NFILZ: variants seen among roughly 807,000 people sequenced by gnomAD.
The protein encoded by NFILZ is NFIL3 like basic leucine zipper.
At chr19:8,660,110 A>G (rs1658514806) in intron 3 of NFILZ, among the ~76,000 whole-genome samples, 1 of 152,178 alleles carries the variant, frequency 6.6e-6, no homozygotes, top group Non-Finnish European at 1.5e-5. Flanking sequence ...AGTTCAGGCC[A>G]CATCTCAGGC....
intron 3 of NFILZ, among the ~76,000 whole-genome samples, chr19:8,663,493 G>A (rs1443478001): frequency 2.7e-5 from 4 of 146,004 alleles, no homozygotes; most frequent in Non-Finnish European, 6.0e-5. Context: ...TGGAGGGGAC[G>A]CTGGTGGTGG....
chr19:8,647,795 G>GCGCGCACA (rs1189605746), intron 3 of NFILZ, among the ~76,000 whole-genome samples: 5 of 76,332 alleles, frequency 6.6e-5, no homozygotes, highest in East Asian at 4.5e-4. Context: ...GCGCGCGCGC[G>GCGCGCACA]CACACACACA....
chr19:8,637,165 T>C (rs1216232657), intron 3 of NFILZ, among the ~76,000 whole-genome samples: 1 of 151,692 alleles, frequency 6.6e-6, no homozygotes, highest in Non-Finnish European at 1.5e-5. Flanking sequence ...AGCCCAGGAG[T>C]TCGAGGCTGC....
chr19:8,644,385 G>A (rs543658966), intron 3 of NFILZ, among the ~76,000 whole-genome samples: 1 of 152,246 alleles, frequency 6.6e-6, no homozygotes, highest in East Asian at 1.9e-4. Flanking sequence ...ACAGGCATGA[G>A]CCACCGTAGC....
chr19:8,643,429 C>T (rs1192016732), intron 3 of NFILZ, among the ~76,000 whole-genome samples: 5 of 152,142 alleles, frequency 3.3e-5, no homozygotes, highest in African/African-American at 9.7e-5. Flanking sequence ...ATAAGACACC[C>T]AGATATCTGG....
At chr19:8,676,223 G>A (rs868995611) in intron 4 of NFILZ, among the ~76,000 whole-genome samples, 136 bp from the exon 5 acceptor site, 8 of 152,176 alleles carry the variant, frequency 5.3e-5, no homozygotes, top group African/African-American at 1.7e-4. Flanking sequence ...GGATGGAAGG[G>A]CAGGTAAAAA....
At position 8,677,825 on chromosome 19, in the gene NFILZ, G is replaced by A. The variant is rs550675728; in HGVS notation, c.*190G>A. On this transcript the variant is annotated 3_prime_UTR_variant, in exon 6 of 6. Transcript: ENST00000691075. ...CCTCCTAGGGGTGGAGTGGATGGGA[G>A]CCCATCTTGGATTCTACCATGGCTC... is the stretch of plus-strand genomic sequence containing the variant. 1.1e-4 allele frequency among the ~76,000 whole-genome samples: 16 copies of A among 152,134 alleles called. No individual in the cohort carries two copies. The highest frequency in any genetic ancestry group is 3.6e-4 in the African/African-American group (15 of 41,490).
At chr19:8,663,735 T>TGC (rs2043044194) in intron 3 of NFILZ, among the ~76,000 whole-genome samples, 16 of 113,540 alleles carry the variant, frequency 1.4e-4, no homozygotes, top group South Asian at 7.6e-4. Flanking sequence ...TGTGTGTGTG[T>TGC]GTGTGTGTGT....
At chr19:8,652,995 C>CTTTCTTTCTTTCTTTCTTT (rs1600145512) in intron 3 of NFILZ, among the ~76,000 whole-genome samples, 1 of 42,520 alleles carries the variant, frequency 2.4e-5, no homozygotes, top group Admixed American at 2.7e-4. Context: ...TTCCTTCCTT[C>CTTTCTTTCTTTCTTTCTTT]CTTCCTTCCT....
At position 8,656,284 on chromosome 19, in the gene NFILZ, C is replaced by CCCTGCAG. The variant is rs1420223130; in HGVS notation, c.-163-18265_-163-18264insTGCAGCC. Reference sequence around the variant, plus strand: ...ATCTTCTCTCTGAAGCCCACCTTCTCCCCACAGCCCACCTCCTCCCGCAGC... The same window carrying CCCTGCAG: ...ATCTTCTCTCTGAAGCCCACCTTCTCCCTGCAGCCCACAGCCCACCTCCTCCCGCAGC... On this transcript the variant is annotated intron_variant, in intron 3 of 5. Transcript: ENST00000691075. Among the ~76,000 whole-genome samples the CCCTGCAG allele has an allele frequency of 1.1e-3, 57 of 50,922 alleles. 5 individuals are homozygous for CCCTGCAG. The highest frequency in any genetic ancestry group is 4.4e-3 in the Admixed American group (19 of 4,322). The allele number at this position is 50,922 out of a possible 152,430, so 33.4% of individuals were successfully genotyped here. A position where few individuals can be genotyped will look rare whatever the true frequency, so the allele number is the denominator to read the frequency against.
At chr19:8,659,372 G>A (rs1226783223) in intron 3 of NFILZ, among the ~76,000 whole-genome samples, 2 of 152,156 alleles carry the variant, frequency 1.3e-5, no homozygotes, top group African/African-American at 4.8e-5. Flanking sequence ...TGGTAGGTCG[G>A]AGAGGGCTTC....
intron 3 of NFILZ, among the ~76,000 whole-genome samples, chr19:8,653,168 G>A (rs1030984767): frequency 5.3e-5 from 8 of 149,996 alleles, no homozygotes; most frequent in Non-Finnish European, 7.4e-5. Context: ...TGCAACCTTC[G>A]CCTCCCAATT....
intron 3 of NFILZ, among the ~76,000 whole-genome samples, chr19:8,664,664 A>T (rs2043053747): frequency 6.6e-6 from 1 of 152,044 alleles, no homozygotes; most frequent in East Asian, 1.9e-4. Context: ...AACCCCGTGG[A>T]AATGTGGCCC....
At chr19:8,633,883 C>G (rs1389271185) in intron 2 of NFILZ, among the ~76,000 whole-genome samples, 4 of 69,324 alleles carry the variant, frequency 5.8e-5, no homozygotes, top group Non-Finnish European at 9.0e-5. Context: ...TTCTCCCTTC[C>G]TTCCTTCCTT....
At chr19:8,663,563 G>T (rs2043042657) in intron 3 of NFILZ, among the ~76,000 whole-genome samples, 1 of 151,974 alleles carries the variant, frequency 6.6e-6, no homozygotes, top group South Asian at 2.1e-4. Context: ...TGGTGGTGAG[G>T]CACATCACTT....
chr19:8,666,217 T>C (rs1202908517), intron 3 of NFILZ, among the ~76,000 whole-genome samples: 2 of 151,520 alleles, frequency 1.3e-5, no homozygotes, highest in Admixed American at 6.6e-5. Context: ...GCTGAGTATC[T>C]TCTTCTTCTT....
chr19:8,660,398 G>A (rs1343491331), intron 3 of NFILZ, among the ~76,000 whole-genome samples: 2 of 151,554 alleles, frequency 1.3e-5, no homozygotes, highest in Non-Finnish European at 2.9e-5. Context: ...TCTAGCGGCA[G>A]AGACATACAC....
intron 3 of NFILZ, among the ~76,000 whole-genome samples, chr19:8,665,936 T>C (rs1280848296): frequency 6.6e-6 from 1 of 152,178 alleles, no homozygotes; most frequent in Non-Finnish European, 1.5e-5. Flanking sequence ...TTTTAGCTCC[T>C]CTCTTAGAGC....
At chr19:8,652,036 T>A (rs1323899329) in intron 3 of NFILZ, among the ~76,000 whole-genome samples, 3 of 152,088 alleles carry the variant, frequency 2.0e-5, no homozygotes, top group African/African-American at 7.2e-5. Context: ...TAATAAAAGA[T>A]GATTTAAAGA....
Sources: allele counts gnomAD v4.1 joint callset (sites outside exome capture counted in the v4.1 genomes callset), GRCh38; gene constraint gnomAD v4.1.1; transcripts MANE v1.5; gene names NCBI Gene and HGNC (gene_info 2026-07-23, HGNC 2026-07-21).